FTCDNL1: variants seen among roughly 807,000 people sequenced by gnomAD.
FTCDNL1 encodes the protein formiminotransferase N-terminal subdomain-containing protein.
FTCDNL1 carries 11 observed loss-of-function variants against 5.9 expected under a neutral mutation model. The ratio of observed to expected loss-of-function variants is 1.87; its 90% CI spans 1.18 to 3.10. The LOEUF (loss-of-function observed/expected upper bound fraction) is 3.10, where lower values mean the gene tolerates loss of function less well. Among genes scored for constraint, FTCDNL1 ranks in the 30% most tolerant of loss-of-function variants. FTCDNL1 has a pLI of 0.00. For synonymous variants in FTCDNL1, 58 were observed against 24.8 expected (o/e 2.34, Z -3.99); for missense variants, 115 against 65.5 (o/e 1.76, Z -2.61).
At chr2:199,681,798 G>A in the FTCDNL1 span, among the ~76,000 whole-genome samples, 9 of 152,028 alleles carry the variant, frequency 5.9e-5, no homozygotes, top group Non-Finnish European at 8.8e-5. Flanking sequence ...TTATATATAC[G>A]GGTGCTAATA....
intron 3 of FTCDNL1, among the ~76,000 whole-genome samples, chr2:199,774,519 C>T (rs1336837353): frequency 6.6e-6 from 1 of 152,058 alleles, no homozygotes. Context: ...AAGCACAGGC[C>T]TCTGCAGTTT....
At chr2:199,788,933 T>C (rs1379778101) in intron 3 of FTCDNL1, among the ~76,000 whole-genome samples, 2 of 151,482 alleles carry the variant, frequency 1.3e-5, no homozygotes, top group African/African-American at 4.8e-5. Context: ...CTAGAATAAA[T>C]GGATAATTTC....
chr2:199,849,444 TGTCTACA>T (rs2106635025), intron 1 of FTCDNL1, among the ~76,000 whole-genome samples: 1 of 152,342 alleles, frequency 6.6e-6, no homozygotes, highest in Admixed American at 6.5e-5. Context: ...AAAATGAAAG[TGTCTACA>T]GGCCATGCCA....
chr2:199,753,639 T>C, the FTCDNL1 span, among the ~76,000 whole-genome samples: 2 of 152,172 alleles, frequency 1.3e-5, no homozygotes, highest in African/African-American at 4.8e-5. Context: ...TCTACTCCCA[T>C]CCCCAGCTGG....
chr2:199,740,246 A>C, the FTCDNL1 span, among the ~76,000 whole-genome samples: 11 of 152,280 alleles, frequency 7.2e-5, no homozygotes, highest in South Asian at 2.3e-3. Flanking sequence ...AGGACAAGAG[A>C]AACAAAGGCA....
downstream of FTCDNL1, among the ~76,000 whole-genome samples, chr2:199,759,108 ATATG>A (rs909989548): frequency 5.7e-4 from 86 of 151,954 alleles, no homozygotes; most frequent in African/African-American, 1.8e-3. Flanking sequence ...TGTGTAATAT[ATATG>A]TATTATATGT....
chr2:199,845,882 T>C lies in FTCDNL1; in HGVS notation c.211+193A>G, dbSNP rs542853617. On this transcript the variant is annotated intron_variant, in intron 3 of 4. Coordinates refer to ENST00000420128, the MANE Select transcript of FTCDNL1 (RefSeq NM_001363886.2). ...AAATCTTGGACCCCAAGGTTCACTG[T>C]AACAAAGAGGAAATGGAGACTCTTT... Among the ~76,000 whole-genome samples, 3 of 151,796 alleles carry C rather than the reference T, an allele frequency of 2.0e-5. No individual in the cohort carries two copies. The South Asian group carries it at 6.2e-4, about 32-fold the overall frequency.
the FTCDNL1 span, among the ~76,000 whole-genome samples, chr2:199,740,938 C>G: frequency 3.3e-5 from 5 of 152,266 alleles, no homozygotes; most frequent in African/African-American, 1.2e-4. Flanking sequence ...ATAGAGGGTC[C>G]ACTGTGTGCC....
chr2:199,704,833 C>T, the FTCDNL1 span, among the ~76,000 whole-genome samples: 5 of 152,072 alleles, frequency 3.3e-5, no homozygotes, highest in African/African-American at 1.2e-4. Flanking sequence ...GTAAACCACC[C>T]CAAATTGTAA....
the FTCDNL1 span, among the ~76,000 whole-genome samples, chr2:199,688,688 A>G: frequency 6.6e-6 from 1 of 152,210 alleles, no homozygotes; most frequent in Non-Finnish European, 1.5e-5. Flanking sequence ...TTTGAGAAAG[A>G]TTCAGTTTTT....
the FTCDNL1 span, among the ~76,000 whole-genome samples, chr2:199,720,390 G>T: frequency 2.6e-5 from 4 of 152,176 alleles, no homozygotes; most frequent in African/African-American, 9.7e-5. Flanking sequence ...GTTACTATCT[G>T]TATTAGTTTC....
chr2:199,813,137 C>CTA (rs1186495196), intron 4 of FTCDNL1, among the ~76,000 whole-genome samples: 10 of 152,186 alleles, frequency 6.6e-5, no homozygotes, highest in Non-Finnish European at 1.3e-4. Flanking sequence ...TGACTGTGAA[C>CTA]TATGCTATTA....
the FTCDNL1 span, among the ~76,000 whole-genome samples, chr2:199,721,282 T>C: frequency 6.6e-6 from 1 of 152,002 alleles, no homozygotes; most frequent in African/African-American, 2.4e-5. Flanking sequence ...TTCCCCCTAC[T>C]CCCAACAGGC....
downstream of FTCDNL1, among the ~76,000 whole-genome samples, chr2:199,759,112 GTATTA>G (rs1698171534): frequency 6.6e-6 from 1 of 151,292 alleles, no homozygotes; most frequent in African/African-American, 2.4e-5. Context: ...TAATATATAT[GTATTA>G]TATGTGTATA....
At chr2:199,813,985 A>G (rs947193061) in intron 4 of FTCDNL1, among the ~76,000 whole-genome samples, 2 of 151,624 alleles carry the variant, frequency 1.3e-5, no homozygotes, top group African/African-American at 4.8e-5. Context: ...GGAACCATGC[A>G]GGTTGCTGAG....
chr2:199,760,353 A>G (rs974254235), downstream of FTCDNL1, among the ~76,000 whole-genome samples: 2 of 152,202 alleles, frequency 1.3e-5, no homozygotes, highest in South Asian at 2.1e-4. Flanking sequence ...AGTTAACTGG[A>G]AAGAGGTTCA....
At chr2:199,830,618 C>T (rs1407873673) in intron 3 of FTCDNL1, among the ~76,000 whole-genome samples, 1 of 152,100 alleles carries the variant, frequency 6.6e-6, no homozygotes, top group Non-Finnish European at 1.5e-5. Context: ...CTTACACCAC[C>T]ATCAAAGCCG....
chr2:199,731,514 A>C, the FTCDNL1 span, among the ~76,000 whole-genome samples: 1 of 152,216 alleles, frequency 6.6e-6, no homozygotes, highest in African/African-American at 2.4e-5. Context: ...CATCATTAAC[A>C]TAACAGTTGT....
At chr2:199,680,736 T>C in the FTCDNL1 span, among the ~76,000 whole-genome samples, 1 of 152,208 alleles carries the variant, frequency 6.6e-6, no homozygotes, top group Non-Finnish European at 1.5e-5. Context: ...ATGGTATCTT[T>C]TGAAGATGAC....
Sources: allele counts gnomAD v4.1 joint callset (sites outside exome capture counted in the v4.1 genomes callset), GRCh38; gene constraint gnomAD v4.1.1; transcripts MANE v1.5; gene names NCBI Gene and HGNC (gene_info 2026-07-23, HGNC 2026-07-21).